Variants in RADIL observed in about 807,000 individuals in gnomAD.
The protein encoded by RADIL is ras-associating and dilute domain-containing protein.
RADIL carries 99 observed loss-of-function variants against 97.6 expected under a neutral mutation model. The ratio of observed to expected loss-of-function variants is 1.01; its 90% confidence interval spans 0.86 to 1.20. The LOEUF (loss-of-function observed/expected upper bound fraction) is 1.20, where lower values mean the gene tolerates loss of function less well. Among genes scored for constraint, RADIL ranks in the 50% most tolerant of loss-of-function variants. The pLI is 0.00. For missense variants in RADIL, 1,765 were observed against 1,498.9 expected (o/e 1.18, Z -2.93); for synonymous variants, 803 against 691.8 (o/e 1.16, Z -2.52).
At position 4,815,292 on chromosome 7, in the gene RADIL, C is replaced by G; in HGVS notation, c.2125G>C (p.Ala709Pro). 6.4e-7 allele frequency: 1 copy of G among 1,561,032 alleles called. No homozygotes were observed. The highest frequency in any genetic ancestry group is 8.7e-7 in the Non-Finnish European group (1 of 1,153,800). ...CGCACCCCTACCTGGATGAGCTGGG[C>G]CCTGGGTGTGGCCAGCAGGTTGAGG... is the stretch of plus-strand genomic sequence containing the variant. ...CTLNLLATPR[A>P]QLIQMSWTAL... The change falls in exon 9 of 15, where the codon GCC (alanine) becomes CCC (proline). Residue 709 changes from alanine (A) to proline (P), a missense_variant. Ala to Pro is a conservative substitution (Grantham distance 27). Coordinates refer to ENST00000399583, the MANE Select transcript of RADIL (RefSeq NM_018059.5). This position sits in a 1 kb window ranked among gnomAD's most constrained non-coding sequence, Gnocchi z 8.0.
chr7:4,835,314 G>A lies in RADIL; in HGVS notation c.784-75C>T. On this transcript the variant is annotated intron_variant, in intron 3 of 14. Coordinates refer to ENST00000399583, the MANE Select transcript of RADIL (RefSeq NM_018059.5). The surrounding 1 kb of genome is among the most constrained non-coding windows in gnomAD (Gnocchi z 5.8). ...GAAAAGCGTCCCGTGTCTAGTCACT[G>A]GTTGCTGAAGCAGCGTGGCTGGGAT... is the stretch of plus-strand genomic sequence containing the variant. 1 of 1,542,530 alleles carries A rather than the reference G, an allele frequency of 6.5e-7. No individual in the cohort carries two copies. Among genetic ancestry groups the A allele is most frequent in the Non-Finnish European group, 8.7e-7 (1 of 1,148,180 alleles).
intron 2 of RADIL, among the ~76,000 whole-genome samples, chr7:4,847,722 G>A (rs1419426555): frequency 3.3e-5 from 2 of 60,944 alleles, no homozygotes; most frequent in East Asian, 5.6e-4. Flanking sequence ...AATATGCTAC[G>A]TGAAAAAAGC....
chr7:4,829,211 C>T (rs1783074955), intron 5 of RADIL, among the ~76,000 whole-genome samples: 1 of 152,244 alleles, frequency 6.6e-6, no homozygotes, highest in African/African-American at 2.4e-5. Context: ...GTCCATCACC[C>T]TTCGATGCTA....
chr7:4,812,255 T>C (rs1782567391), intron 9 of RADIL, among the ~76,000 whole-genome samples: 1 of 152,194 alleles, frequency 6.6e-6, no homozygotes, highest in Non-Finnish European at 1.5e-5. Context: ...TAAGTATTCT[T>C]TTTCTTATTT....
chr7:4,822,219 G>A lies in RADIL; in HGVS notation c.1615+175C>T, dbSNP rs1782852776. ...AGACTGGCCCGTGCCACCAGCACCA[G>A]CCTCACAGGCCGTCCCCGAGCAACT... On this transcript the variant is annotated intron_variant, in intron 6 of 14. Coordinates refer to ENST00000399583, the MANE Select transcript of RADIL (RefSeq NM_018059.5). This position sits in a 1 kb window ranked among gnomAD's most constrained non-coding sequence, Gnocchi z 5.3. Among the ~76,000 whole-genome samples, 1 of 152,196 alleles carries A rather than the reference G, an allele frequency of 6.6e-6. No homozygotes were observed. Among genetic ancestry groups the A allele is most frequent in the African/African-American group, 2.4e-5 (1 of 41,472 alleles).
intron 12 of RADIL, among the ~76,000 whole-genome samples, chr7:4,800,629 T>A (rs946447920): frequency 1.3e-5 from 2 of 151,996 alleles, no homozygotes; most frequent in Admixed American, 6.5e-5. Flanking sequence ...TCCTCAGCAA[T>A]CTCTGCTCCT....
At chr7:4,807,664 C>CCCTCCCT (rs1436444862) in intron 9 of RADIL, among the ~76,000 whole-genome samples, 11 of 93,612 alleles carry the variant, frequency 1.2e-4, no homozygotes, top group African/African-American at 4.4e-4. Flanking sequence ...TCTCTGTCTC[C>CCCTCCCT]CCTCCCTCCT....
chr7:4,800,020 G>A, intron 13 of RADIL, 151 bp downstream of exon 13: 1 of 1,269,658 alleles, frequency 7.9e-7, no homozygotes, highest in Non-Finnish European at 1.1e-6. Context: ...GACAGGCTGG[G>A]TTCCCCTCCC....
In RADIL at chr7:4,799,634, G is replaced by T; in HGVS notation, c.3118C>A (p.Leu1040Met). 1 of 1,605,172 alleles carries T rather than the reference G, an allele frequency of 6.2e-7. No homozygotes were observed. Among genetic ancestry groups the T allele is most frequent in the Non-Finnish European group, 8.5e-7 (1 of 1,176,314 alleles). Residue 1040 changes from leucine (L) to methionine (M), a missense_variant, in exon 14 of 15, where the codon CTG becomes ATG. Physicochemically the swap from Leu to Met is conservative, Grantham distance 15. Transcript: ENST00000399583. Reference protein sequence around the residue: ...NGSSLLGLGYLRAVDLIRHGG... With the variant: ...NGSSLLGLGYMRAVDLIRHGG... ...GCGTGCATGCGGTGGGGGTACCTCA[G>T]GTAGCCAAGGCCCAGGAGGCTGCTG...
chr7:4,852,610 G>A (rs1376315439), intron 2 of RADIL, among the ~76,000 whole-genome samples: 1 of 152,112 alleles, frequency 6.6e-6, no homozygotes, highest in Non-Finnish European at 1.5e-5. Context: ...CACCATGCCT[G>A]ACTAATTTTT....
Position 4,817,441 on chromosome 7 carries a change from C to T in RADIL, c.1616-90G>A, listed in dbSNP as rs948069709. On this transcript the variant is annotated intron_variant, in intron 6 of 14. Transcript: ENST00000399583. This position sits in a 1 kb window ranked among gnomAD's most constrained non-coding sequence, Gnocchi z 8.3. ...CCAGCCGCCAGCTCTTTCCCTGGCG[C>T]GGGCACCACCCAACGCGCCCATCTG... The T allele has an allele frequency of 4.3e-6, 5 of 1,163,278 alleles. No homozygotes were observed. The highest frequency in any genetic ancestry group is 4.9e-6 in the Non-Finnish European group (4 of 823,140). The allele number at this position is 1,163,278 out of a possible 1,614,324, so 72.1% of individuals were successfully genotyped here.
chr7:4,833,907 T>C (rs1301939604), intron 4 of RADIL, among the ~76,000 whole-genome samples: 1 of 152,002 alleles, frequency 6.6e-6, no homozygotes, highest in East Asian at 1.9e-4. Flanking sequence ...CCTGCAGCCA[T>C]GGGTGTATTG....
In RADIL at chr7:4,822,257, C is replaced by A. The variant is rs556419661; in HGVS notation, c.1615+137G>T. The A allele has an allele frequency of 3.6e-5, 41 of 1,145,690 alleles. No individual in the cohort carries two copies. In the South Asian group the frequency reaches 6.3e-4, roughly 18 times the overall value. 71.0% of individuals were successfully genotyped at this position (1,145,690 alleles called of 1,614,324 possible). ...TCCCCGAGCAACTGACACATGGCAG[C>A]CTAGGGACTGAGGAAGCCCCCGGCA... On this transcript the variant is annotated intron_variant, in intron 6 of 14. Transcript: ENST00000399583. The surrounding 1 kb of genome is among the most constrained non-coding windows in gnomAD (Gnocchi z 5.3).
chr7:4,868,622 G>C (rs1007659012), intron 2 of RADIL, among the ~76,000 whole-genome samples: 11 of 152,166 alleles, frequency 7.2e-5, no homozygotes, highest in African/African-American at 2.4e-4. Context: ...TCTAGTGGAT[G>C]TTTTGCCGTT....
Position 4,824,987 on chromosome 7 carries a change from C to G in RADIL, c.1455-2433G>C, listed in dbSNP as rs1229298803. ...AGGTTGGCACTGAACGCGCCCCCAC[C>G]TGCCAACCTGGGGCCATGTGAGTGG... On this transcript the variant is annotated intron_variant, in intron 5 of 14. Transcript: ENST00000399583. This position sits in a 1 kb window ranked among gnomAD's most constrained non-coding sequence, Gnocchi z 6.7. Among the ~76,000 whole-genome samples the G allele has an allele frequency of 6.6e-6, 1 of 152,194 alleles. No individual in the cohort carries two copies. Among genetic ancestry groups the G allele is most frequent in the African/African-American group, 2.4e-5 (1 of 41,442 alleles).
chr7:4,852,701 C>G (rs1212499874), intron 2 of RADIL, among the ~76,000 whole-genome samples: 1 of 152,130 alleles, frequency 6.6e-6, no homozygotes, highest in Non-Finnish European at 1.5e-5. Flanking sequence ...TGCCACCACA[C>G]CCTGATAATT....
In RADIL at chr7:4,836,385, G is replaced by C; in HGVS notation, c.756C>G (p.Leu252=). 6.3e-7 allele frequency: 1 copy of C among 1,575,110 alleles called. No homozygotes were observed. The highest frequency in any genetic ancestry group is 8.6e-7 in the Non-Finnish European group (1 of 1,160,242). ...GCTGCTGGCTGTAGCCCTGCAGAAG[G>C]AGCAGATGCGGGGACTGGTACAGCG... is the stretch of plus-strand genomic sequence containing the variant. ...RYSLYQSPHL[L]LLQGYSQQHD... Residue 252 remains leucine, a synonymous_variant, in exon 3 of 15, where the codon CTC becomes CTG. Transcript: ENST00000399583.
At chr7:4,858,703 A>G (rs1263107050) in intron 2 of RADIL, 1 of 152,638 alleles carries the variant, frequency 6.6e-6, no homozygotes, top group East Asian at 1.9e-4. Flanking sequence ...GATCAGAAAC[A>G]TATCTCATAG....
Position 4,815,223 on chromosome 7 carries a change from A to G in RADIL, c.2139+55T>C. ...GGCTTGGTTTGTGAGCCAGGGACCC[A>G]CAGCATGTGGCCCCGCCCCTCCCCA... On this transcript the variant is annotated intron_variant, in intron 9 of 14. Transcript: ENST00000399583. The surrounding 1 kb of genome is among the most constrained non-coding windows in gnomAD (Gnocchi z 8.0). 3 of 1,457,544 alleles carry G rather than the reference A, an allele frequency of 2.1e-6. No homozygotes were observed. Among genetic ancestry groups the G allele is most frequent in the Non-Finnish European group, 2.7e-6 (3 of 1,099,618 alleles). The allele number at this position is 1,457,544 out of a possible 1,614,324, so 90.3% of individuals were successfully genotyped here. A position where few individuals can be genotyped will look rare whatever the true frequency, so the allele number is the denominator to read the frequency against.
Sources: allele counts gnomAD v4.1 joint callset (sites outside exome capture counted in the v4.1 genomes callset), GRCh38; gene constraint gnomAD v4.1.1; non-coding constraint Gnocchi (gnomAD v3.1); transcripts MANE v1.5; gene names NCBI Gene and HGNC (gene_info 2026-07-23, HGNC 2026-07-21).